Variants in PPP4R2 observed in about 807,000 individuals in gnomAD.
PPP4R2 encodes serine/threonine-protein phosphatase 4 regulatory subunit 2.
A neutral mutation model predicts 47.2 loss-of-function variants in PPP4R2; 13 were observed. The observed-to-expected ratio is 0.28, with a 90% CI of 0.18 to 0.44. The LOEUF (loss-of-function observed/expected upper bound fraction) is 0.44, where lower values mean the gene tolerates loss of function less well. Ranked by LOEUF, PPP4R2 falls within the 20% of genes least tolerant of loss-of-function variation. The probability of loss-of-function intolerance (pLI) is 1.00; values close to 1 mark genes in which losing one functional copy is unlikely to be tolerated. For missense variants in PPP4R2, 421 were observed against 491.2 expected (o/e 0.86, Z 1.35); for synonymous variants, 151 against 163.3 (o/e 0.92, Z 0.57).
chr3:73,015,206 G>A (rs1701799415), intron 2 of PPP4R2, among the ~76,000 whole-genome samples: 1 of 152,166 alleles, frequency 6.6e-6, no homozygotes, highest in African/African-American at 2.4e-5. Context: ...TTGAGACAGA[G>A]TCTCTCTCTG....
intron 2 of PPP4R2, among the ~76,000 whole-genome samples, chr3:73,010,932 T>G (rs1024142439): frequency 2.0e-5 from 3 of 152,236 alleles, no homozygotes; most frequent in African/African-American, 7.2e-5. Flanking sequence ...GATTTAGTCT[T>G]TACAACTACT....
At chr3:73,018,944 C>T in intron 2 of PPP4R2, among the ~76,000 whole-genome samples, 1 of 152,096 alleles carries the variant, frequency 6.6e-6, no homozygotes, top group East Asian at 1.9e-4. Flanking sequence ...ACTTGTGGTT[C>T]TGTAAGTTTT....
At chr3:73,029,034 C>G (rs890910374) in intron 2 of PPP4R2, among the ~76,000 whole-genome samples, 2 of 152,210 alleles carry the variant, frequency 1.3e-5, no homozygotes, top group Non-Finnish European at 2.9e-5. Flanking sequence ...CAGCCTCGAA[C>G]TCCTGGGCTC....
In PPP4R2 at chr3:73,059,095, A is replaced by G. The variant is rs779510827; in HGVS notation, c.346A>G (p.Thr116Ala). 12 of 1,582,872 alleles carry G rather than the reference A, an allele frequency of 7.6e-6. No individual in the cohort carries two copies. The highest frequency in any genetic ancestry group is 9.5e-6 in the Non-Finnish European group (11 of 1,160,722). The change falls in exon 4 of 9, where the codon ACA becomes GCA. Residue 116 changes from threonine (T) to alanine (A), a missense_variant. By Grantham distance (58) the Thr-to-Ala change is moderately conservative. This residue lies in a region of PPP4R2 where 104 missense variants were observed against 203.7 expected (regional missense o/e 0.51). Transcript: ENST00000356692. ...ELLTDPRRNYTGTDKFLRGVE... is the reference protein window; with the variant it reads ...ELLTDPRRNYAGTDKFLRGVE... ...GTTAACAGATCCAAGGAGAAACTAT[A>G]CAGGAACAGACAAATTTCTCAGAGG... is the stretch of plus-strand genomic sequence containing the variant.
rs751809204 is a variant in PPP4R2, at chr3:73,065,501, C to G, written c.1033C>G (p.Gln345Glu). Reference protein sequence around the residue: ...VNEETSEENNQMEESDVSQAE... With the variant: ...VNEETSEENNEMEESDVSQAE... The stretch of plus-strand genomic sequence containing the variant: ...TGAAGAGACTTCTGAGGAAAATAAT[C>G]AAATGGAGGAATCTGATGTGTCTCA... Residue 345 changes from glutamine (Q) to glutamate (E), a missense_variant, in exon 9 of 9, where the codon CAA (glutamine) becomes GAA (glutamate). This residue lies in a region of PPP4R2 where 317 missense variants were observed against 287.5 expected (regional missense o/e 1.10). Transcript: ENST00000356692. The G allele has an allele frequency of 3.7e-6, 6 of 1,611,612 alleles. No homozygotes were observed. Among genetic ancestry groups the G allele is most frequent in the Admixed American group, 3.3e-5 (2 of 59,976 alleles).
intron 3 of PPP4R2, among the ~76,000 whole-genome samples, chr3:73,051,197 G>A (rs946959813): frequency 6.6e-6 from 1 of 152,216 alleles, no homozygotes; most frequent in East Asian, 1.9e-4. Context: ...TTACAGGCAT[G>A]AGCCACCGCA....
At position 72,998,088 on chromosome 3, in the gene PPP4R2, A is replaced by AG; in HGVS notation, c.51dup (p.Lys18GlufsTer29). On this transcript the variant is annotated frameshift_variant, in exon 2 of 9. Coordinates refer to ENST00000356692, the MANE Select transcript of PPP4R2 (RefSeq NM_174907.4). LOFTEE classifies it high-confidence loss of function. Reference sequence around the variant, plus strand: ...CTTCCTTCATCTAGATTTTGAGAAGAGGGGGAAAAAGGAAGTTTGTCCTGT... The same window carrying AG: ...CTTCCTTCATCTAGATTTTGAGAAGAGGGGGGAAAAAGGAAGTTTGTCCTGT... 1.2e-6 allele frequency: 2 copies of AG among 1,602,020 alleles called. No individual in the cohort carries two copies. The highest frequency in any genetic ancestry group is 1.7e-6 in the Non-Finnish European group (2 of 1,175,630).
intron 2 of PPP4R2, among the ~76,000 whole-genome samples, chr3:73,026,601 G>A (rs1176405926): frequency 6.6e-6 from 1 of 151,980 alleles, no homozygotes; most frequent in African/African-American, 2.4e-5. Context: ...GGCCTATACC[G>A]AGCTTATACA....
intron 7 of PPP4R2, among the ~76,000 whole-genome samples, chr3:73,064,518 C>G (rs1333113467): frequency 6.6e-6 from 1 of 151,752 alleles, no homozygotes; most frequent in African/African-American, 2.4e-5. Flanking sequence ...TTCAAATTTT[C>G]TGTATCACAT....
At position 73,068,883 on chromosome 3, in the gene PPP4R2, A is replaced by G. The variant is rs202026896; in HGVS notation, c.*3161A>G. 5 of 151,858 alleles carry G rather than the reference A, an allele frequency of 3.3e-5. No individual in the cohort carries two copies. In the East Asian group the frequency reaches 9.7e-4, roughly 29 times the overall value. The allele number at this position is 151,858 out of a possible 1,614,324, so 9.4% of individuals were successfully genotyped here. A position where few individuals can be genotyped will look rare whatever the true frequency, so the allele number is the denominator to read the frequency against. On this transcript the variant is annotated 3_prime_UTR_variant, in exon 9 of 9. Coordinates refer to ENST00000356692, the MANE Select transcript of PPP4R2 (RefSeq NM_174907.4). ...ACCAAAGGAATTAAAAATTTTCGGT[A>G]GTGTTTCAAATTGTCTTCTGAACAG...
intron 3 of PPP4R2, among the ~76,000 whole-genome samples, chr3:73,047,782 TGTTA>T (rs1171974093): frequency 2.0e-5 from 3 of 152,234 alleles, no homozygotes; most frequent in Non-Finnish European, 4.4e-5. Flanking sequence ...ACGGCTTGCT[TGTTA>T]GTTACAAGTA....
intron 2 of PPP4R2, among the ~76,000 whole-genome samples, chr3:73,005,451 G>GT (rs1171889053): frequency 1.3e-5 from 2 of 151,416 alleles, no homozygotes; most frequent in Non-Finnish European, 2.9e-5. Context: ...GTTGTCTTTG[G>GT]TTTTTTTGTT....
chr3:73,001,296 G>A (rs1246688026), intron 2 of PPP4R2, among the ~76,000 whole-genome samples: 3 of 152,008 alleles, frequency 2.0e-5, no homozygotes, highest in East Asian at 3.9e-4. Context: ...AGTGATTCAT[G>A]TCTGTAATCC....
intron 2 of PPP4R2, among the ~76,000 whole-genome samples, chr3:73,042,595 C>A (rs1291512812): frequency 6.6e-6 from 1 of 151,978 alleles, no homozygotes; most frequent in Non-Finnish European, 1.5e-5. Flanking sequence ...GGTCTCTTGA[C>A]CTTGTGATAA....
At chr3:73,015,001 G>A (rs1222603492) in intron 2 of PPP4R2, 1 of 673,894 alleles carries the variant, frequency 1.5e-6, no homozygotes, top group Non-Finnish European at 2.7e-6. Context: ...GCCTCACCCA[G>A]TCGTAATTTT....
rs1390207167 is a variant in PPP4R2 at position 73,065,875 on chromosome 3, A to G, written c.*153A>G. On this transcript the variant is annotated 3_prime_UTR_variant, in exon 9 of 9. Transcript: ENST00000356692. ...TGGATAATTCCTGAAAGAGTTGTAC[A>G]TGTAAGAACTGTGAATATCAGCTCC... 3.9e-6 allele frequency: 2 copies of G among 510,418 alleles called. No homozygotes were observed. Among genetic ancestry groups the G allele is most frequent in the African/African-American group, 1.9e-5 (1 of 51,674 alleles). 31.6% of individuals were successfully genotyped at this position (510,418 alleles called of 1,614,324 possible).
chr3:73,017,810 T>G (rs1701871641), intron 2 of PPP4R2, among the ~76,000 whole-genome samples: 1 of 151,860 alleles, frequency 6.6e-6, no homozygotes, highest in East Asian at 1.9e-4. Flanking sequence ...TACTATAACC[T>G]CCACCTCCTG....
At chr3:73,014,923 C>G (rs1051760505) in intron 2 of PPP4R2, 5 of 674,038 alleles carry the variant, frequency 7.4e-6, no homozygotes, top group East Asian at 5.6e-5. Flanking sequence ...AGGCTGGCCT[C>G]GAAACCCTGG....
At chr3:73,056,929 A>G (rs946440139) in intron 3 of PPP4R2, among the ~76,000 whole-genome samples, 2 of 152,198 alleles carry the variant, frequency 1.3e-5, no homozygotes, top group African/African-American at 4.8e-5. Flanking sequence ...CATAATGACT[A>G]GACAGTATTT....
Sources: allele counts gnomAD v4.1 joint callset (sites outside exome capture counted in the v4.1 genomes callset), GRCh38; gene constraint gnomAD v4.1.1; regional missense constraint gnomAD v4.1.1; transcripts MANE v1.5; gene names NCBI Gene and HGNC (gene_info 2026-07-23, HGNC 2026-07-21).